ZNF730: variants seen among roughly 807,000 people sequenced by gnomAD.
ZNF730 encodes putative zinc finger protein 730.
In ZNF730, 12 loss-of-function variants were observed where a neutral mutation model predicts 12.6. The ratio of observed to expected loss-of-function variants is 0.95; its 90% CI spans 0.61 to 1.54. ZNF730 has a LOEUF of 1.54. ZNF730 is among the 40% of genes most tolerant of loss of function. ZNF730 has a pLI of 0.00. For synonymous variants in ZNF730, 194 were observed against 195.8 expected (o/e 0.99, Z 0.08); for missense variants, 643 against 583.5 (o/e 1.10, Z -1.05).
chr19:23,131,307 G>A lies in ZNF730; in HGVS notation c.4-2773G>A, dbSNP rs187836369. ...TATGGATCATTTTTCTAAATACTGG[G>A]AATTATTGAACACTTAGTATCAACA... On this transcript the variant is annotated intron_variant, in intron 1 of 3. Coordinates refer to ENST00000597761, the MANE Select transcript of ZNF730 (RefSeq NM_001277403.2). Among the ~76,000 whole-genome samples, 485 of 152,230 alleles carry A rather than the reference G, an allele frequency of 3.2e-3. 4 individuals carry two copies. Among genetic ancestry groups the A allele is most frequent in the African/African-American group, 8.9e-3 (371 of 41,532 alleles).
chr19:23,137,771 G>T (rs1970854372), intron 3 of ZNF730, among the ~76,000 whole-genome samples: 1 of 152,240 alleles, frequency 6.6e-6, no homozygotes, highest in South Asian at 2.1e-4. Context: ...TGGGCTTATA[G>T]TGGAGAGGGG....
intron 1 of ZNF730, among the ~76,000 whole-genome samples, chr19:23,130,196 C>T (rs1970729609): frequency 6.6e-6 from 1 of 152,020 alleles, no homozygotes; most frequent in African/African-American, 2.4e-5. Flanking sequence ...AGTGGGTCTT[C>T]CCTGCGCTGT....
chr19:23,134,904 C>T (rs1170506612), intron 2 of ZNF730, among the ~76,000 whole-genome samples: 4 of 87,300 alleles, frequency 4.6e-5, no homozygotes, highest in African/African-American at 1.8e-4. Context: ...GCCTTGGGAT[C>T]CTGTTGATCT....
At chr19:23,126,347 A>G (rs1305364644) in intron 1 of ZNF730, among the ~76,000 whole-genome samples, 3 of 152,214 alleles carry the variant, frequency 2.0e-5, no homozygotes, top group South Asian at 4.1e-4. Flanking sequence ...TGAGTGCACA[A>G]TAATGGGCCA....
chr19:23,088,755 A>G (rs1970108154), intron 1 of ZNF730, among the ~76,000 whole-genome samples: 1 of 152,102 alleles, frequency 6.6e-6, no homozygotes, highest in African/African-American at 2.4e-5. Context: ...GTGAGCCACC[A>G]TGCCCAGCGT....
chr19:23,075,690 T>G (rs1969845538), intron 1 of ZNF730, among the ~76,000 whole-genome samples: 1 of 151,904 alleles, frequency 6.6e-6, no homozygotes, highest in Non-Finnish European at 1.5e-5. Context: ...CCCGACTAGG[T>G]GTGTGCGTGG....
intron 3 of ZNF730, among the ~76,000 whole-genome samples, chr19:23,144,912 G>A (rs7257716): frequency 0.57 from 86,757 of 151,800 alleles, 26,664 homozygotes; most frequent in South Asian, 0.72. Context: ...AAAGATGTAT[G>A]TGCCAGTATT....
At chr19:23,087,744 T>A (rs1475459015) in intron 1 of ZNF730, among the ~76,000 whole-genome samples, 4 of 150,852 alleles carry the variant, frequency 2.7e-5, no homozygotes, top group African/African-American at 9.7e-5. Context: ...GCCTCCCAAG[T>A]AGCTGGGATT....
intron 1 of ZNF730, among the ~76,000 whole-genome samples, chr19:23,132,983 T>C (rs1323959099): frequency 6.6e-6 from 1 of 152,260 alleles, no homozygotes; most frequent in Non-Finnish European, 1.5e-5. Flanking sequence ...TGATGCTGTG[T>C]CCTGTGTGCA....
upstream of ZNF730, among the ~76,000 whole-genome samples, chr19:23,114,058 A>G (rs749749312): frequency 3.3e-5 from 5 of 152,202 alleles, no homozygotes; most frequent in Non-Finnish European, 5.9e-5. Flanking sequence ...AGGATGTCAA[A>G]TGTTCAAACC....
At chr19:23,108,479 A>G (rs1414629855) in intron 1 of ZNF730, among the ~76,000 whole-genome samples, 1 of 152,192 alleles carries the variant, frequency 6.6e-6, no homozygotes, top group Non-Finnish European at 1.5e-5. Context: ...GGGATTTTGA[A>G]AAGCAGCGCT....
chr19:23,091,095 C>T (rs1363671408), intron 1 of ZNF730, among the ~76,000 whole-genome samples: 2 of 152,002 alleles, frequency 1.3e-5, no homozygotes, highest in Non-Finnish European at 2.9e-5. Context: ...GTCCTGTGTC[C>T]CAGCTACTCT....
chr19:23,120,140 G>T (rs944556646), intron 1 of ZNF730, among the ~76,000 whole-genome samples: 1 of 151,842 alleles, frequency 6.6e-6, no homozygotes, highest in East Asian at 2.0e-4. Flanking sequence ...GACTACAGGC[G>T]GGTGCCACCA....
rs1970784437 is a variant in ZNF730 at position 23,134,086 on chromosome 19, T to C, written c.10T>C (p.Leu4=). 3 of 1,613,204 alleles carry C rather than the reference T, an allele frequency of 1.9e-6. No individual in the cohort carries two copies. The highest frequency in any genetic ancestry group is 1.1e-5 in the South Asian group (1 of 91,034). Residue 4 remains leucine, a synonymous_variant, in exon 2 of 4, where the codon TTG becomes CTG. Coordinates refer to ENST00000597761, the MANE Select transcript of ZNF730 (RefSeq NM_001277403.2). ...GTTTGTTTGTGTTTTTCAGGGAGCG[T>C]TGACATTTAGAGATGTGGCCATAGA... is the stretch of plus-strand genomic sequence containing the variant. MGA[L]TFRDVAIEFS...
Position 23,146,501 on chromosome 19 carries a change from G to GTAAA in ZNF730, c.1458_1461dup (p.Ala488Ter). Reference sequence around the variant, plus strand: ...AAAATCTACAAATGTAAAGAATGTGGTAAAGCCTTTAGGCGGTTCTCACAC... The same window carrying GTAAA: ...AAAATCTACAAATGTAAAGAATGTGGTAAATAAAGCCTTTAGGCGGTTCTCACAC... On this transcript the variant is annotated frameshift_variant, in exon 4 of 4. Transcript: ENST00000597761. LOFTEE classifies it low-confidence loss of function (END_TRUNC). 6.3e-7 allele frequency: 1 copy of GTAAA among 1,596,624 alleles called. No individual in the cohort carries two copies. Among genetic ancestry groups the GTAAA allele is most frequent in the East Asian group, 2.2e-5 (1 of 44,512 alleles).
intron 1 of ZNF730, among the ~76,000 whole-genome samples, chr19:23,097,729 C>T (rs1269314825): frequency 3.3e-5 from 5 of 152,116 alleles, no homozygotes; most frequent in Admixed American, 6.6e-5. Context: ...GCCCTTTCCA[C>T]GGGGATGATT....
chr19:23,097,713 G>C (rs983563621), intron 1 of ZNF730, among the ~76,000 whole-genome samples: 4 of 152,092 alleles, frequency 2.6e-5, no homozygotes, highest in Non-Finnish European at 5.9e-5. Flanking sequence ...CTCTTCTTTT[G>C]CCTGGGCCCT....
intron 1 of ZNF730, among the ~76,000 whole-genome samples, chr19:23,118,255 A>C (rs1469868679): frequency 1.3e-5 from 2 of 152,132 alleles, no homozygotes; most frequent in Non-Finnish European, 2.9e-5. Context: ...AAATAAACCA[A>C]AACTAATTCC....
chr19:23,109,684 A>G (rs1350429002), intron 1 of ZNF730, among the ~76,000 whole-genome samples: 1 of 152,032 alleles, frequency 6.6e-6, no homozygotes, highest in East Asian at 1.9e-4. Flanking sequence ...AAGTGCTGGG[A>G]TTACAGGTGT....
Sources: allele counts gnomAD v4.1 joint callset (sites outside exome capture counted in the v4.1 genomes callset), GRCh38; gene constraint gnomAD v4.1.1; transcripts MANE v1.5; gene names NCBI Gene and HGNC (gene_info 2026-07-23, HGNC 2026-07-21).